ATP7B: variants seen among roughly 807,000 people sequenced by gnomAD.
ATP7B encodes the protein copper-transporting ATPase 2.
In ATP7B, 113 loss-of-function variants were observed where a neutral mutation model predicts 118.9. That is an observed-to-expected ratio of 0.95 (90% CI 0.82 to 1.11). The LOEUF (loss-of-function observed/expected upper bound fraction) is 1.11, where lower values mean the gene tolerates loss of function less well. Among genes scored for constraint, ATP7B ranks in the 50% most tolerant of loss-of-function variants. The pLI is 0.00. For synonymous variants in ATP7B, 777 were observed against 727.4 expected (o/e 1.07, Z -1.10); for missense variants, 1,867 against 1,871.4 (o/e 1.00, Z 0.04).
intron 1 of ATP7B, among the ~76,000 whole-genome samples, chr13:51,990,406 CA>C (rs985318876): frequency 6.6e-6 from 1 of 151,860 alleles, no homozygotes; most frequent in African/African-American, 2.4e-5. Flanking sequence ...GTCCATCGAA[CA>C]GAAATCTATG....
intron 1 of ATP7B, among the ~76,000 whole-genome samples, chr13:51,998,659 T>A (rs1481863798): frequency 1.3e-5 from 2 of 152,184 alleles, no homozygotes; most frequent in Admixed American, 6.5e-5. Flanking sequence ...AGAAAATTCA[T>A]CTTCTTTACC....
At chr13:51,984,901 G>A (rs1489771744) in intron 1 of ATP7B, among the ~76,000 whole-genome samples, 1 of 152,152 alleles carries the variant, frequency 6.6e-6, no homozygotes, top group Non-Finnish European at 1.5e-5. Context: ...TGCCTTACAA[G>A]AGTTCCTGAA....
intron 2 of ATP7B, 71 bp from the exon 3 acceptor site, chr13:51,970,820 A>G (rs1951803709): frequency 3.2e-6 from 5 of 1,543,960 alleles, no homozygotes; most frequent in Non-Finnish European, 4.4e-6. Context: ...AAGAGGTTTC[A>G]GGGCTCTTGG....
At chr13:51,947,648 G>GT (rs1957750125) in intron 12 of ATP7B, among the ~76,000 whole-genome samples, 1 of 152,140 alleles carries the variant, frequency 6.6e-6, no homozygotes, top group South Asian at 2.1e-4. Flanking sequence ...CATAGAAACA[G>GT]TTATATTTAG....
chr13:51,946,228 G>T, intron 13 of ATP7B, 56 bp downstream of exon 13: 1 of 1,540,094 alleles, frequency 6.5e-7, no homozygotes, highest in South Asian at 1.2e-5. Flanking sequence ...ATGTGAAATA[G>T]TAAACAGATA....
At position 51,941,157 on chromosome 13, in the gene ATP7B, G is replaced by A; in HGVS notation, c.3480C>T (p.Thr1160=). 6.2e-7 allele frequency: 1 copy of A among 1,614,136 alleles called. No individual in the cohort carries two copies. Among genetic ancestry groups the A allele is most frequent in the East Asian group, 2.2e-5 (1 of 44,882 alleles). Residue 1160 remains threonine (T), a synonymous_variant, in exon 16 of 21, where the codon ACC becomes ACT. Transcript: ENST00000242839. ...NREWLRRNGL[T]ISSDVSDAMT... is the part of the protein sequence containing the mutation. ...TAGCGTCACTGACATCGCTAGAAATGGTTAAACCGTTGCGCCTCAGCCACT... is the reference window on the plus strand; with the variant it reads ...TAGCGTCACTGACATCGCTAGAAATAGTTAAACCGTTGCGCCTCAGCCACT...
intron 1 of ATP7B, among the ~76,000 whole-genome samples, chr13:51,991,959 G>A (rs567950503): frequency 1.3e-5 from 2 of 152,160 alleles, no homozygotes; most frequent in African/African-American, 4.8e-5. Flanking sequence ...GGAGAGGAGC[G>A]GGCGGAAATG....
intron 13 of ATP7B, among the ~76,000 whole-genome samples, chr13:51,944,713 G>A (rs1957542696): frequency 6.6e-6 from 1 of 152,186 alleles, no homozygotes; most frequent in African/African-American, 2.4e-5. Flanking sequence ...AAGTGCAAAA[G>A]CTACTGGGAA....
At chr13:51,939,243 C>T in intron 16 of ATP7B, 50 bp from the exon 17 acceptor site, 1 of 1,607,022 alleles carries the variant, frequency 6.2e-7, no homozygotes. Context: ...GGGCACCCCG[C>T]ACCAAGATAC....
In ATP7B at chr13:51,960,187, A is replaced by G. The variant is rs543607689; in HGVS notation, c.2082T>C (p.Ile694=). The change falls in exon 7 of 21, where the codon ATT becomes ATC. Residue 694 remains isoleucine, a synonymous_variant. Coordinates refer to ENST00000242839, the MANE Select transcript of ATP7B (RefSeq NM_000053.4). ...LDHNIIPGLS[I]LNLIFFILCT... ...ACAAGATAAAGAAGATGAGATTTAGAATGGACAGTCCTGGAATGATGTTGT... is the reference window on the plus strand; with the variant it reads ...ACAAGATAAAGAAGATGAGATTTAGGATGGACAGTCCTGGAATGATGTTGT... The G allele has an allele frequency of 3.7e-6, 6 of 1,613,954 alleles. No individual in the cohort carries two copies. In the South Asian group the frequency reaches 5.5e-5, roughly 15 times the overall value.
chr13:51,967,633 A>G lies in ATP7B; in HGVS notation c.1707+811T>C, dbSNP rs575314758. On this transcript the variant is annotated intron_variant, in intron 4 of 20. Transcript: ENST00000242839. Reference sequence around the variant, plus strand: ...AAAGAACACGGCTTATCAGGAGCTCATGGGCCTCTGTGTCCTCAGTGCTTT... The same window carrying G: ...AAAGAACACGGCTTATCAGGAGCTCGTGGGCCTCTGTGTCCTCAGTGCTTT... 2.4e-4 allele frequency among the ~76,000 whole-genome samples: 36 copies of G among 152,304 alleles called. No homozygotes were observed. The East Asian group carries it at 6.0e-3, about 25-fold the overall frequency.
chr13:51,935,509 G>C, intron 20 of ATP7B, 84 bp downstream of exon 20: 2 of 1,391,986 alleles, frequency 1.4e-6, no homozygotes, highest in Admixed American at 2.0e-5. Flanking sequence ...TGGGAAATGA[G>C]AGGCAAGTTC....
intron 16 of ATP7B, among the ~76,000 whole-genome samples, chr13:51,940,784 A>G (rs1957284632): frequency 6.6e-6 from 1 of 152,078 alleles, no homozygotes; most frequent in African/African-American, 2.4e-5. Context: ...GATGAAGGAG[A>G]AGGATGACTC....
chr13:51,952,755 G>A (rs944883070), intron 9 of ATP7B, among the ~76,000 whole-genome samples: 12 of 152,190 alleles, frequency 7.9e-5, no homozygotes, highest in African/African-American at 2.9e-4. Flanking sequence ...GTGCTACGAG[G>A]ATTCAAGGCT....
intron 2 of ATP7B, among the ~76,000 whole-genome samples, chr13:51,972,825 C>T (rs1951905550): frequency 6.6e-6 from 1 of 152,078 alleles, no homozygotes; most frequent in Non-Finnish European, 1.5e-5. Context: ...CACAGCAACA[C>T]TCCGTCTCTA....
intron 1 of ATP7B, among the ~76,000 whole-genome samples, chr13:51,989,849 T>G (rs1014835991): frequency 6.6e-5 from 10 of 152,208 alleles, no homozygotes; most frequent in African/African-American, 2.4e-4. Flanking sequence ...AATAACACTC[T>G]GTATTTCAAG....
rs750477816 is a variant in ATP7B at position 51,958,380 on chromosome 13, T to C, written c.2286A>G (p.Thr762=). The C allele has an allele frequency of 8.7e-6, 14 of 1,614,066 alleles. No homozygotes were observed. Among genetic ancestry groups the C allele is most frequent in the Admixed American group, 1.7e-5 (1 of 60,002 alleles). ...VAEKAERSPV[T]FFDTPPMLFV... is the part of the protein sequence containing the mutation. Reference sequence around the variant, plus strand: ...AGAGCATGGGGGGCGTGTCGAAGAATGTCACAGGGCTCCTCTCCGCCTTCT... The same window carrying C: ...AGAGCATGGGGGGCGTGTCGAAGAACGTCACAGGGCTCCTCTCCGCCTTCT... Residue 762 remains threonine (T), a synonymous_variant, in exon 8 of 21, where the codon ACA becomes ACG. Coordinates refer to ENST00000242839, the MANE Select transcript of ATP7B (RefSeq NM_000053.4).
rs1957306201 is a variant in ATP7B, at chr13:51,941,146, T to A, written c.3491A>T (p.Asp1164Val). The A allele has an allele frequency of 1.2e-6, 2 of 1,614,172 alleles. No individual in the cohort carries two copies. Among genetic ancestry groups the A allele is most frequent in the African/African-American group, 1.3e-5 (1 of 75,026 alleles). ...LRRNGLTISSDVSDAMTDHEM... is the reference protein window; with the variant it reads ...LRRNGLTISSVVSDAMTDHEM... ...GTGGTCTGTCATAGCGTCACTGACA[T>A]CGCTAGAAATGGTTAAACCGTTGCG... The change falls in exon 16 of 21, where the codon GAT (aspartate) becomes GTT (valine). Residue 1164 changes from aspartate to valine, a missense_variant. Transcript: ENST00000242839.
rs755563101 is a variant in ATP7B at position 51,970,681 on chromosome 13, T to A, written c.1354A>T (p.Thr452Ser). 9 of 1,613,966 alleles carry A rather than the reference T, an allele frequency of 5.6e-6. No individual in the cohort carries two copies. The South Asian group carries it at 9.9e-5, about 18-fold the overall frequency. The change falls in exon 3 of 21, where the codon ACA becomes TCA. Residue 452 changes from threonine (T) to serine (S), a missense_variant. Physicochemically the swap from Thr to Ser is moderately conservative, Grantham distance 58 (BLOSUM62 1). Coordinates refer to ENST00000242839, the MANE Select transcript of ATP7B (RefSeq NM_000053.4). ...GCCACTTCCTGCACAGATGTAGGTG[T>A]ACCATCTGTAGTTTGCACCATGGAA... ...GNSMVQTTDGTPTSVQEVAPH... is the reference protein window; with the variant it reads ...GNSMVQTTDGSPTSVQEVAPH...
Sources: gnomAD v4.1 joint callset for allele counts (sites outside exome capture counted in the v4.1 genomes callset) on GRCh38, gnomAD v4.1.1 for gene constraint, MANE v1.5 for transcripts, NCBI Gene and HGNC (gene_info 2026-07-23, HGNC 2026-07-21) for gene names.